Variants in LRRIQ3 observed in about 807,000 individuals in gnomAD.
LRRIQ3 encodes the protein leucine-rich repeat and IQ domain-containing protein 3.
LRRIQ3 carries 75 observed loss-of-function variants against 59.3 expected under a neutral mutation model. The observed-to-expected ratio is 1.26, with a 90% CI of 1.05 to 1.53. The LOEUF (loss-of-function observed/expected upper bound fraction) is 1.53, where lower values mean the gene tolerates loss of function less well. LRRIQ3 is among the 40% of genes most tolerant of loss of function. LRRIQ3 has a pLI of 0.00. For synonymous variants in LRRIQ3, 250 were observed against 231.3 expected, an observed-to-expected ratio of 1.08 and a Z score of -0.73; for missense variants, 831 against 710.0, an observed-to-expected ratio of 1.17 and a Z score of -1.94.
At chr1:74,146,695 T>C (rs1463406596) in intron 4 of LRRIQ3, among the ~76,000 whole-genome samples, 1 of 152,224 alleles carries the variant, frequency 6.6e-6, no homozygotes, top group African/African-American at 2.4e-5. Context: ...CCTGTGTCTA[T>C]AACTTACAAG....
intron 3 of LRRIQ3, among the ~76,000 whole-genome samples, chr1:74,166,081 TAGG>T (rs1303936204): frequency 2.0e-5 from 3 of 151,748 alleles, no homozygotes; most frequent in African/African-American, 7.2e-5. Flanking sequence ...TAATATAAAT[TAGG>T]AGGTGTTCCT....
chr1:74,090,103 T>G (rs1307400231), intron 5 of LRRIQ3, among the ~76,000 whole-genome samples: 2 of 152,080 alleles, frequency 1.3e-5, no homozygotes, highest in African/African-American at 4.8e-5. Flanking sequence ...TACTGTTTGA[T>G]AAAACTGAAG....
intron 6 of LRRIQ3, among the ~76,000 whole-genome samples, chr1:74,072,958 T>C (rs1285274562): frequency 6.6e-6 from 1 of 152,258 alleles, no homozygotes; most frequent in African/African-American, 2.4e-5. Flanking sequence ...TGCTTTTGGC[T>C]CTTAATTTAG....
chr1:74,055,981 A>T (rs759836724), intron 6 of LRRIQ3, among the ~76,000 whole-genome samples: 35 of 151,940 alleles, frequency 2.3e-4, no homozygotes, highest in Non-Finnish European at 4.4e-4. Flanking sequence ...CGTCTCTACT[A>T]AAAATACAAA....
intron 7 of LRRIQ3, among the ~76,000 whole-genome samples, chr1:74,040,412 A>C (rs1439211277): frequency 6.6e-6 from 1 of 152,188 alleles, no homozygotes; most frequent in Non-Finnish European, 1.5e-5. Context: ...GATATTCAGG[A>C]CTTTAACACA....
At chr1:74,090,470 C>A (rs897925706) in intron 5 of LRRIQ3, among the ~76,000 whole-genome samples, 4 of 151,688 alleles carry the variant, frequency 2.6e-5, no homozygotes, top group Non-Finnish European at 4.4e-5. Flanking sequence ...ATTATCAGGT[C>A]AAAAGAAGAC....
At chr1:74,134,534 T>G (rs1244054418) in intron 4 of LRRIQ3, among the ~76,000 whole-genome samples, 1 of 151,922 alleles carries the variant, frequency 6.6e-6, no homozygotes, top group African/African-American at 2.4e-5. Flanking sequence ...TCTTAATATC[T>G]TTAAAAGCAA....
At chr1:74,051,742 A>G (rs1266505056) in intron 6 of LRRIQ3, among the ~76,000 whole-genome samples, 4 of 152,168 alleles carry the variant, frequency 2.6e-5, no homozygotes, top group Admixed American at 6.6e-5. Context: ...TATAAATGCA[A>G]TCACACAATA....
intron 3 of LRRIQ3, chr1:74,180,955 T>G (rs1240150893): frequency 1.5e-6 from 1 of 676,198 alleles, no homozygotes; most frequent in African/African-American, 1.8e-5. Flanking sequence ...TATGGTTGTT[T>G]AGTTTTATTT....
At chr1:74,034,277 G>C (rs1653804147) in intron 7 of LRRIQ3, among the ~76,000 whole-genome samples, 1 of 151,920 alleles carries the variant, frequency 6.6e-6, no homozygotes, top group Non-Finnish European at 1.5e-5. Context: ...TCTGTATATT[G>C]ATACCTAATC....
At chr1:74,178,481 G>C (rs1649780216) in intron 3 of LRRIQ3, among the ~76,000 whole-genome samples, 1 of 151,380 alleles carries the variant, frequency 6.6e-6, no homozygotes. Flanking sequence ...AATAGTTTTT[G>C]GTAATTATAC....
intron 1 of LRRIQ3, among the ~76,000 whole-genome samples, chr1:74,185,986 T>G (rs1650344936): frequency 6.6e-6 from 1 of 151,524 alleles, no homozygotes; most frequent in Non-Finnish European, 1.5e-5. Context: ...CACATAATGC[T>G]AAAGGTGGCT....
intron 4 of LRRIQ3, 22 bp downstream of exon 4, chr1:74,155,711 T>C (rs1648277147): frequency 1.3e-6 from 2 of 1,546,564 alleles, no homozygotes. Context: ...AATATTCAAA[T>C]GGTAAAGAAA....
intron 4 of LRRIQ3, among the ~76,000 whole-genome samples, chr1:74,118,416 T>C (rs907119775): frequency 1.2e-4 from 19 of 152,272 alleles, no homozygotes; most frequent in Admixed American, 2.6e-4. Context: ...CCATTACTTT[T>C]TAACAACTGC....
At chr1:74,190,174 A>C (rs76700985) in intron 1 of LRRIQ3, among the ~76,000 whole-genome samples, 3,197 of 152,234 alleles carry the variant, frequency 0.021, 111 homozygotes, top group African/African-American at 0.072. Flanking sequence ...ACTCATCAGG[A>C]ACAGACACAC....
At chr1:74,196,223 A>G (rs1205820138) in intron 1 of LRRIQ3, among the ~76,000 whole-genome samples, 1 of 152,088 alleles carries the variant, frequency 6.6e-6, no homozygotes, top group Admixed American at 6.5e-5. Flanking sequence ...TAAATACTCT[A>G]TTTAATATTC....
At chr1:74,085,879 C>T (rs1008894253) in intron 5 of LRRIQ3, among the ~76,000 whole-genome samples, 4 of 152,028 alleles carry the variant, frequency 2.6e-5, no homozygotes, top group Non-Finnish European at 2.9e-5. Flanking sequence ...AGATCAAACA[C>T]AGTTAATTCT....
intron 4 of LRRIQ3, among the ~76,000 whole-genome samples, chr1:74,121,829 C>T (rs1340798481): frequency 6.8e-6 from 1 of 147,666 alleles, no homozygotes; most frequent in Non-Finnish European, 1.5e-5. Context: ...TGAGAACATG[C>T]AGTTTTTGGT....
At chr1:74,070,253 T>TA (rs1352584122) in intron 6 of LRRIQ3, among the ~76,000 whole-genome samples, 1 of 151,952 alleles carries the variant, frequency 6.6e-6, no homozygotes, top group Non-Finnish European at 1.5e-5. Flanking sequence ...GTAGACTGTA[T>TA]AAAAAAACGT....
Sources: allele counts gnomAD v4.1 joint callset (sites outside exome capture counted in the v4.1 genomes callset), GRCh38; gene constraint gnomAD v4.1.1; transcripts MANE v1.5; gene names NCBI Gene and HGNC (gene_info 2026-07-23, HGNC 2026-07-21).